TGM2: variants seen among roughly 807,000 people sequenced by gnomAD.
TGM2 encodes protein-glutamine gamma-glutamyltransferase 2.
In TGM2, 53 loss-of-function variants were observed where a neutral mutation model predicts 75.6. The observed-to-expected ratio is 0.70, with a 90% CI of 0.56 to 0.88. The LOEUF (loss-of-function observed/expected upper bound fraction) is 0.88. Ranked by LOEUF, TGM2 falls within the 40% of genes least tolerant of loss-of-function variation. The pLI, the probability that TGM2 is intolerant of heterozygous loss-of-function variation, is 0.00. For missense variants in TGM2, 842 were observed against 928.5 expected, an observed-to-expected ratio of 0.91 and a Z score of 1.21; for synonymous variants, 374 against 381.1, an observed-to-expected ratio of 0.98 and a Z score of 0.22.
Position 38,127,496 on chromosome 20 carries a change from C to T in TGM2, c.*2723G>A, listed in dbSNP as rs934201338. 5.2e-6 allele frequency: 2 copies of T among 385,402 alleles called. No individual in the cohort carries two copies. The highest frequency in any genetic ancestry group is 4.4e-5 in the African/African-American group (2 of 45,634). The allele number at this position is 385,402 out of a possible 1,614,324, so 23.9% of individuals were successfully genotyped here. On this transcript the variant is annotated 3_prime_UTR_variant, in exon 13 of 13. Coordinates refer to ENST00000361475, the MANE Select transcript of TGM2 (RefSeq NM_004613.4). ...ATCATCTATTCATTCAACAGATACT[C>T]ATGAGTGCTTCGATGGTGGGGAATG...
chr20:38,156,161 C>A, intron 2 of TGM2, 72 bp from the exon 3 acceptor site: 1 of 1,555,280 alleles, frequency 6.4e-7, no homozygotes, highest in South Asian at 1.2e-5. Flanking sequence ...TACGTGGGGT[C>A]CCCCAGCTTG....
At chr20:38,140,759 G>T (rs2074962137) in intron 8 of TGM2, among the ~76,000 whole-genome samples, 1 of 152,226 alleles carries the variant, frequency 6.6e-6, no homozygotes, top group Non-Finnish European at 1.5e-5. Context: ...TTTAAAACTT[G>T]TGACAACTGT....
intron 1 of TGM2, among the ~76,000 whole-genome samples, chr20:38,162,044 C>T (rs907534832): frequency 6.6e-6 from 1 of 152,214 alleles, no homozygotes; most frequent in African/African-American, 2.4e-5. Flanking sequence ...TGCTCTCGAA[C>T]TCCTGGGCCA....
chr20:38,151,798 C>A (rs1315183378), intron 3 of TGM2, among the ~76,000 whole-genome samples: 1 of 152,148 alleles, frequency 6.6e-6, no homozygotes, highest in Non-Finnish European at 1.5e-5. Context: ...GCATTCTAAG[C>A]AGAGGACCAG....
chr20:38,130,222 G>A lies in TGM2; in HGVS notation c.2061C>T (p.Ala687=). The change falls in exon 13 of 13, where the codon GCC becomes GCT. Residue 687 remains alanine (A), a synonymous_variant. Transcript: ENST00000361475. Reference sequence around the variant, plus strand: ...GCAGGCTGGGAGCAGGGGTCCCTTAGGCGGGGCCAATGATGACATTCCGGA... The same window carrying A: ...GCAGGCTGGGAGCAGGGGTCCCTTAAGCGGGGCCAATGATGACATTCCGGA... ...KGFRNVIIGP[A] is the part of the protein sequence containing the mutation. The A allele has an allele frequency of 6.2e-7, 1 of 1,613,402 alleles. No homozygotes were observed.
intron 4 of TGM2, among the ~76,000 whole-genome samples, chr20:38,150,479 C>G (rs1447621015): frequency 6.6e-6 from 1 of 152,210 alleles, no homozygotes; most frequent in African/African-American, 2.4e-5. Context: ...CACCTGGGAA[C>G]TTGTTTGAAG....
At chr20:38,144,799 T>C (rs917698865) in intron 6 of TGM2, among the ~76,000 whole-genome samples, 12 of 152,212 alleles carry the variant, frequency 7.9e-5, no homozygotes, top group Admixed American at 5.9e-4. Flanking sequence ...GCCACAGTGG[T>C]CAGACAGCCC....
At chr20:38,139,851 C>G (rs2074949520) in intron 8 of TGM2, among the ~76,000 whole-genome samples, 197 bp from the exon 9 acceptor site, 1 of 152,138 alleles carries the variant, frequency 6.6e-6, no homozygotes, top group Admixed American at 6.5e-5. Flanking sequence ...TTTTAAGGTT[C>G]AAATCCCAGC....
At chr20:38,142,754 A>G (rs1258588881) in intron 6 of TGM2, among the ~76,000 whole-genome samples, 2 of 152,244 alleles carry the variant, frequency 1.3e-5, no homozygotes, top group East Asian at 1.9e-4. Flanking sequence ...CCTGTGATCA[A>G]TTGTCCTTGG....
chr20:38,130,096 C>G lies in TGM2; in HGVS notation c.*123G>C. 1 of 1,367,220 alleles carries G rather than the reference C, an allele frequency of 7.3e-7. No individual in the cohort carries two copies. The highest frequency in any genetic ancestry group is 1.0e-6 in the Non-Finnish European group (1 of 995,468). 84.7% of individuals were successfully genotyped at this position (1,367,220 alleles called of 1,614,324 possible). A position where few individuals can be genotyped will look rare whatever the true frequency, so the allele number is the denominator to read the frequency against. ...GGGGCACATTCCATTTCCGAGAGCC[C>G]CCATAGGCTGCCCACCCTGCCCTGG... On this transcript the variant is annotated 3_prime_UTR_variant, in exon 13 of 13. Transcript: ENST00000361475.
intron 10 of TGM2, chr20:38,132,751 C>G: frequency 1.6e-6 from 1 of 608,104 alleles, no homozygotes; most frequent in South Asian, 1.5e-5. Flanking sequence ...CTGCCTTTGC[C>G]TCTTCTAATG....
intron 6 of TGM2, among the ~76,000 whole-genome samples, chr20:38,142,879 A>G (rs902517770): frequency 1.3e-5 from 2 of 152,202 alleles, no homozygotes; most frequent in Non-Finnish European, 2.9e-5. Context: ...GGCCTCCAGC[A>G]TGCTCTGCCT....
chr20:38,128,826 G>T lies in TGM2; in HGVS notation c.*1393C>A, dbSNP rs1178428362. Reference sequence around the variant, plus strand: ...ATGGGTTCCCCAAGCTTCCTCCGGGGCAGGGGCTATGTTTGGGGGCCTTAG... The same window carrying T: ...ATGGGTTCCCCAAGCTTCCTCCGGGTCAGGGGCTATGTTTGGGGGCCTTAG... On this transcript the variant is annotated 3_prime_UTR_variant, in exon 13 of 13. Coordinates refer to ENST00000361475, the MANE Select transcript of TGM2 (RefSeq NM_004613.4). 6.6e-6 allele frequency: 1 copy of T among 152,314 alleles called. No homozygotes were observed. The highest frequency in any genetic ancestry group is 1.9e-4 in the East Asian group (1 of 5,196). 9.4% of individuals were successfully genotyped at this position (152,314 alleles called of 1,614,324 possible). A position where few individuals can be genotyped will look rare whatever the true frequency, so the allele number is the denominator to read the frequency against.
chr20:38,138,282 G>A lies in TGM2; in HGVS notation c.1446C>T (p.Ser482=). The A allele has an allele frequency of 6.2e-7, 1 of 1,614,182 alleles. No homozygotes were observed. The highest frequency in any genetic ancestry group is 8.5e-7 in the Non-Finnish European group (1 of 1,180,030). Residue 482 remains serine, a synonymous_variant, in exon 10 of 13, where the codon AGC becomes AGT. Coordinates refer to ENST00000361475, the MANE Select transcript of TGM2 (RefSeq NM_004613.4). ...CGTCAAAGTCACTGCCCATGTTCATGCTCTGGCCCACACGGATCCGCATGG... is the reference window on the plus strand; with the variant it reads ...CGTCAAAGTCACTGCCCATGTTCATACTCTGGCCCACACGGATCCGCATGG... ...GMAMRIRVGQ[S]MNMGSDFDVF...
chr20:38,156,914 C>T (rs1336804934), intron 2 of TGM2, among the ~76,000 whole-genome samples: 1 of 152,166 alleles, frequency 6.6e-6, no homozygotes, highest in African/African-American at 2.4e-5. Context: ...CCTCTTCTTC[C>T]CAAAGAGGAC....
intron 10 of TGM2, chr20:38,132,857 G>A (rs757332069): frequency 4.7e-5 from 22 of 464,144 alleles, no homozygotes; most frequent in East Asian, 3.3e-4. Flanking sequence ...TGAGCTGAGC[G>A]AGTGTCCCGG....
chr20:38,132,432 T>C lies in TGM2; in HGVS notation c.1684A>G (p.Lys562Glu). Reference protein sequence around the residue: ...RDCLTESNLIKVRALLVEPVI... With the variant: ...RDCLTESNLIEVRALLVEPVI... ...GGCTCCACGAGGAGGGCCCGCACCT[T>C]GATGAGGTTGGACTCCGTAAGGCAG... is the stretch of plus-strand genomic sequence containing the variant. Residue 562 changes from lysine (K) to glutamate (E), a missense_variant, in exon 11 of 13, where the codon AAG becomes GAG. Lys to Glu is a moderately conservative substitution (Grantham distance 56, BLOSUM62 1). Transcript: ENST00000361475. 6.2e-7 allele frequency: 1 copy of C among 1,614,106 alleles called. No individual in the cohort carries two copies. The highest frequency in any genetic ancestry group is 8.5e-7 in the Non-Finnish European group (1 of 1,179,998).
At chr20:38,150,226 G>A (rs1393201134) in intron 4 of TGM2, among the ~76,000 whole-genome samples, 1 of 152,176 alleles carries the variant, frequency 6.6e-6, no homozygotes, top group Non-Finnish European at 1.5e-5. Context: ...GAGAAACCAC[G>A]TGAAACAGAT....
intron 4 of TGM2, among the ~76,000 whole-genome samples, chr20:38,149,494 G>A (rs1014738781): frequency 2.0e-5 from 3 of 151,984 alleles, no homozygotes; most frequent in South Asian, 2.1e-4. Context: ...TGGTTAACAC[G>A]GTGAAACCCC....
Sources: allele counts gnomAD v4.1 joint callset (sites outside exome capture counted in the v4.1 genomes callset), GRCh38; gene constraint gnomAD v4.1.1; transcripts MANE v1.5; gene names NCBI Gene and HGNC (gene_info 2026-07-23, HGNC 2026-07-21).